The following PLEKHM3 variants were observed in gnomAD, a reference collection of about 807,000 sequenced individuals.
PLEKHM3 encodes pleckstrin homology domain containing M3.
In PLEKHM3, 45 loss-of-function variants were observed where a neutral mutation model predicts 81.8. That is an observed-to-expected ratio of 0.55 (90% CI 0.43 to 0.71). The LOEUF is 0.71. Among genes scored for constraint, PLEKHM3 ranks in the 30% least tolerant of loss-of-function variants. The pLI is 0.00. For missense variants in PLEKHM3, 788 were observed against 924.3 expected, an observed-to-expected ratio of 0.85 and a Z score of 1.91; for synonymous variants, 352 against 356.4, an observed-to-expected ratio of 0.99 and a Z score of 0.14.
chr2:207,889,498 C>T (rs1160007255), intron 6 of PLEKHM3, among the ~76,000 whole-genome samples: 2 of 147,810 alleles, frequency 1.4e-5, no homozygotes, highest in Non-Finnish European at 3.0e-5. Flanking sequence ...CCTAACCAAA[C>T]CCAAAAGATA....
intron 6 of PLEKHM3, among the ~76,000 whole-genome samples, chr2:207,902,683 G>A (rs888896106): frequency 7.2e-5 from 11 of 152,048 alleles, no homozygotes; most frequent in Admixed American, 3.9e-4. Context: ...TTATTTCATC[G>A]CCAGCTTTTC....
intron 7 of PLEKHM3, 139 bp downstream of exon 7, chr2:207,860,966 G>C: frequency 1.0e-6 from 1 of 984,808 alleles, no homozygotes; most frequent in Non-Finnish European, 1.5e-6. Context: ...GGGGAAACAT[G>C]TTCTCCAAGA....
At chr2:207,867,539 T>A (rs1265803409) in intron 6 of PLEKHM3, among the ~76,000 whole-genome samples, 1 of 152,164 alleles carries the variant, frequency 6.6e-6, no homozygotes, top group African/African-American at 2.4e-5. Flanking sequence ...CCGGCCATCC[T>A]AGCATCTGGT....
In PLEKHM3 at chr2:207,931,114, C is replaced by T; in HGVS notation, c.1698G>A (p.Ser566=). The change falls in exon 5 of 8, where the codon TCG becomes TCA. Residue 566 remains serine, a synonymous_variant. Transcript: ENST00000427836. ...ACTCCAGAAACTCCTTGGCCTGCTT[C>T]GACACCTACAAAACAAGCGTCGTCA... ...HNWDTSKYKV[S]KQAKEFLEYV... 1 of 1,608,866 alleles carries T rather than the reference C, an allele frequency of 6.2e-7. No individual in the cohort carries two copies. Among genetic ancestry groups the T allele is most frequent in the Non-Finnish European group, 8.5e-7 (1 of 1,176,620 alleles).
intron 3 of PLEKHM3, among the ~76,000 whole-genome samples, chr2:207,959,570 T>C (rs1465565974): frequency 6.6e-6 from 1 of 152,192 alleles, no homozygotes; most frequent in African/African-American, 2.4e-5. Context: ...TTCTCTTTCA[T>C]GCCACTCCCC....
At chr2:207,906,973 G>A (rs1162028226) in intron 6 of PLEKHM3, among the ~76,000 whole-genome samples, 1 of 152,082 alleles carries the variant, frequency 6.6e-6, no homozygotes, top group Non-Finnish European at 1.5e-5. Context: ...AACAACCAGA[G>A]AGGAAAACAA....
chr2:208,001,288 T>C lies in PLEKHM3; in HGVS notation c.352A>G (p.Asn118Asp). 6.2e-7 allele frequency: 1 copy of C among 1,614,180 alleles called. No homozygotes were observed. Among genetic ancestry groups the C allele is most frequent in the South Asian group, 1.1e-5 (1 of 91,078 alleles). The change falls in exon 2 of 8, where the codon AAT becomes GAT. Residue 118 changes from asparagine (N) to aspartate (D), a missense_variant. By Grantham distance (23) the Asn-to-Asp change is conservative. Transcript: ENST00000427836. ...CGACGCTGACAGATATTGAAGAAATTAAAGGTTGATGCTTCCTTTTGTTCC... is the reference window on the plus strand; with the variant it reads ...CGACGCTGACAGATATTGAAGAAATCAAAGGTTGATGCTTCCTTTTGTTCC... ...WMEQKEASTF[N>D]FFNICQRRRD... is the part of the protein sequence containing the mutation.
At chr2:207,945,902 A>G (rs1261064049) in intron 4 of PLEKHM3, among the ~76,000 whole-genome samples, 3 of 151,464 alleles carry the variant, frequency 2.0e-5, no homozygotes, top group Admixed American at 6.6e-5. Context: ...CAATGTCTAA[A>G]AAAAAAAAAG....
chr2:207,865,662 C>T (rs2092491697), intron 6 of PLEKHM3, among the ~76,000 whole-genome samples: 2 of 149,534 alleles, frequency 1.3e-5, no homozygotes, highest in Non-Finnish European at 3.0e-5. Flanking sequence ...TGCCTGTAAT[C>T]GCAGCTACTC....
intron 3 of PLEKHM3, among the ~76,000 whole-genome samples, chr2:207,973,372 GT>G (rs1278606265): frequency 6.6e-6 from 1 of 152,182 alleles, no homozygotes; most frequent in East Asian, 1.9e-4. Flanking sequence ...TGCTTAACAG[GT>G]TTTGGCCTTT....
intron 6 of PLEKHM3, among the ~76,000 whole-genome samples, chr2:207,885,511 A>G (rs1000598673): frequency 6.6e-6 from 1 of 152,244 alleles, no homozygotes; most frequent in South Asian, 2.1e-4. Context: ...AAAGAAGCAG[A>G]TGGAGAAATG....
At chr2:207,884,390 A>C (rs896049194) in intron 6 of PLEKHM3, among the ~76,000 whole-genome samples, 1 of 152,240 alleles carries the variant, frequency 6.6e-6, no homozygotes, top group Non-Finnish European at 1.5e-5. Context: ...GAAAGGAAGA[A>C]GTAAAACTAT....
intron 7 of PLEKHM3, among the ~76,000 whole-genome samples, chr2:207,846,823 A>G (rs1374944291): frequency 6.6e-6 from 1 of 152,190 alleles, no homozygotes; most frequent in Non-Finnish European, 1.5e-5. Flanking sequence ...GTGATAAAAA[A>G]TGCTGGATAT....
chr2:207,923,594 C>T lies in PLEKHM3; in HGVS notation c.1886+7332G>A, dbSNP rs562986093. On this transcript the variant is annotated intron_variant, in intron 5 of 7. Transcript: ENST00000427836. ...TGCACTCCAGCCTGGGTGACAAGAG[C>T]GAAACTCTGTCTCACACACACACAC... Among the ~76,000 whole-genome samples, 8 of 151,382 alleles carry T rather than the reference C, an allele frequency of 5.3e-5. No homozygotes were observed. In the East Asian group the frequency reaches 1.4e-3, roughly 26 times the overall value.
chr2:207,980,388 C>T (rs1691478284), intron 2 of PLEKHM3, among the ~76,000 whole-genome samples: 1 of 152,158 alleles, frequency 6.6e-6, no homozygotes, highest in African/African-American at 2.4e-5. Context: ...TTCAAGGTTC[C>T]CTCACCTTCT....
chr2:207,893,976 G>T (rs1318728994), intron 6 of PLEKHM3, among the ~76,000 whole-genome samples: 1 of 152,108 alleles, frequency 6.6e-6, no homozygotes, highest in African/African-American at 2.4e-5. Context: ...AATTAGCTGG[G>T]TGTGGTGGCG....
chr2:207,830,317 A>G (rs899325074), intron 7 of PLEKHM3, among the ~76,000 whole-genome samples: 4 of 152,144 alleles, frequency 2.6e-5, no homozygotes, highest in Admixed American at 6.5e-5. Flanking sequence ...GAGGTAATCA[A>G]GATTAAATGA....
chr2:207,933,700 A>G (rs893034062), intron 4 of PLEKHM3, among the ~76,000 whole-genome samples: 1 of 152,248 alleles, frequency 6.6e-6, no homozygotes, highest in African/African-American at 2.4e-5. Flanking sequence ...AAAAGCAGTG[A>G]GACAAATGGA....
At chr2:207,893,937 G>A (rs1029095722) in intron 6 of PLEKHM3, among the ~76,000 whole-genome samples, 108 of 152,076 alleles carry the variant, frequency 7.1e-4, no homozygotes, top group Non-Finnish European at 2.4e-4. Flanking sequence ...GAAACACAGC[G>A]AGACCTTGTC....
Sources: gnomAD v4.1 joint callset for allele counts (sites outside exome capture counted in the v4.1 genomes callset) on GRCh38, gnomAD v4.1.1 for gene constraint, MANE v1.5 for transcripts, NCBI Gene and HGNC (gene_info 2026-07-23, HGNC 2026-07-21) for gene names.